Variants in GPR143 observed in about 807,000 individuals in gnomAD.
GPR143 encodes the protein G protein-coupled receptor 143, also known as G-protein coupled receptor 143.
In GPR143, 8 loss-of-function variants were observed where a neutral mutation model predicts 27.6. The observed-to-expected ratio is 0.29, with a 90% CI of 0.17 to 0.52. The LOEUF (loss-of-function observed/expected upper bound fraction) is 0.52. GPR143 is among the 20% of genes least tolerant of loss of function. The pLI, the probability that GPR143 is intolerant of heterozygous loss-of-function variation, is 0.96. For missense variants in GPR143, 303 were observed against 343.1 expected, an observed-to-expected ratio of 0.88 and a Z score of 0.92; for synonymous variants, 156 against 153.2, an observed-to-expected ratio of 1.02 and a Z score of -0.13.
At chrX:9,729,198 A>G (rs1293817359) in intron 8 of GPR143, among the ~76,000 whole-genome samples, 2 of 111,660 alleles carry the variant, frequency 1.8e-5, no homozygotes, top group Non-Finnish European at 3.8e-5. Flanking sequence ...CCGGAGCAAC[A>G]TTCTTGCTGG....
chrX:9,727,775 C>T (rs1000139266), intron 8 of GPR143, among the ~76,000 whole-genome samples: 12 of 112,191 alleles, frequency 1.1e-4, no homozygotes, highest in Non-Finnish European at 2.1e-4. Flanking sequence ...AGTGACTGCA[C>T]TCCAAAAAGC....
chrX:9,737,278 A>G (rs935956278), intron 8 of GPR143, among the ~76,000 whole-genome samples: 8 of 111,881 alleles, frequency 7.2e-5, no homozygotes, highest in African/African-American at 1.6e-4. Context: ...AGCCATGTTC[A>G]TTCCACTGCA....
intron 5 of GPR143, 134 bp from the exon 6 acceptor site, chrX:9,743,807 C>A: frequency 1.9e-6 from 1 of 518,291 alleles, no homozygotes; most frequent in Middle Eastern, 3.3e-4. Flanking sequence ...CACTGACATT[C>A]ATTCCTCACA....
At chrX:9,760,537 G>A (rs1200698064) in intron 2 of GPR143, among the ~76,000 whole-genome samples, 180 bp downstream of exon 2, 2 of 111,674 alleles carry the variant, frequency 1.8e-5, no homozygotes, top group African/African-American at 6.5e-5. Context: ...AACAACACTT[G>A]AGTGTCTGGG....
chrX:9,751,931 G>A (rs1418718401), intron 3 of GPR143, among the ~76,000 whole-genome samples: 2 of 112,866 alleles, frequency 1.8e-5, no homozygotes, highest in Non-Finnish European at 3.7e-5. Flanking sequence ...TTGAGAGGAT[G>A]ACATAGAAGA....
At chrX:9,734,218 A>G (rs1375946734) in intron 8 of GPR143, among the ~76,000 whole-genome samples, 4 of 111,359 alleles carry the variant, frequency 3.6e-5, no homozygotes, top group African/African-American at 1.3e-4. Flanking sequence ...GAATTATGAG[A>G]GAAAAAAGAA....
At chrX:9,737,744 T>C (rs929081446) in intron 8 of GPR143, among the ~76,000 whole-genome samples, 11 of 112,190 alleles carry the variant, frequency 9.8e-5, no homozygotes, top group Non-Finnish European at 7.5e-5. Context: ...GTGCAGTGGC[T>C]CAAGCCTATT....
intron 1 of GPR143, 101 bp downstream of exon 1, chrX:9,765,467 T>G: frequency 1.2e-6 from 1 of 809,827 alleles, no homozygotes; most frequent in Non-Finnish European, 1.6e-6. Flanking sequence ...CCACAGGCCG[T>G]GCGCCCTTAT....
intron 1 of GPR143, among the ~76,000 whole-genome samples, chrX:9,777,084 T>C (rs981136399): frequency 8.9e-6 from 1 of 112,227 alleles, no homozygotes; most frequent in African/African-American, 3.2e-5. Flanking sequence ...CATGGTGTTG[T>C]GTCAATAAAA....
chrX:9,763,350 T>C (rs1269417780), intron 1 of GPR143, among the ~76,000 whole-genome samples: 1 of 110,968 alleles, frequency 9.0e-6, no homozygotes, highest in East Asian at 2.8e-4. Context: ...TGGTGATGCA[T>C]GCCTGTAGTT....
upstream of GPR143, chrX:9,765,957 G>A (rs1458374030): frequency 1.7e-6 from 1 of 577,305 alleles, no homozygotes; most frequent in Admixed American, 6.0e-5. Context: ...AGTAGAGCCA[G>A]GCTCGGTGGG....
intron 2 of GPR143, among the ~76,000 whole-genome samples, chrX:9,760,262 T>C (rs1177816855): frequency 9.0e-6 from 1 of 111,008 alleles, no homozygotes; most frequent in East Asian, 2.8e-4. Flanking sequence ...GAGCTAATTT[T>C]TGTATTTTTA....
intron 8 of GPR143, among the ~76,000 whole-genome samples, chrX:9,734,796 C>A (rs2053036570): frequency 8.9e-6 from 1 of 111,853 alleles, no homozygotes; most frequent in Non-Finnish European, 1.9e-5. Context: ...CCCGGCCAGG[C>A]TCTATAAGCT....
intron 8 of GPR143, among the ~76,000 whole-genome samples, chrX:9,730,193 G>A (rs1036177309): frequency 2.7e-5 from 3 of 111,116 alleles, no homozygotes; most frequent in Admixed American, 9.6e-5. Context: ...TATCCTCATC[G>A]TTAAGTGTTG....
intron 2 of GPR143, among the ~76,000 whole-genome samples, chrX:9,760,281 G>T (rs770079916): frequency 1.8e-5 from 2 of 111,153 alleles, no homozygotes; most frequent in South Asian, 3.8e-4. Flanking sequence ...TAGTAGAGAC[G>T]GGGTTTCACC....
rs779146022 is a variant in GPR143, at chrX:9,745,146, T to C, written c.658+898A>G. On this transcript the variant is annotated intron_variant, in intron 5 of 8. Transcript: ENST00000467482. The stretch of plus-strand genomic sequence containing the variant: ...GGCGCTTGCCTGTAGTCCCAGCTAC[T>C]CAGGAGGCTGAGGCAGGAGAATCAC... 2.0e-4 allele frequency among the ~76,000 whole-genome samples: 22 copies of C among 111,773 alleles called. No individual in the cohort carries two copies. The South Asian group carries it at 7.5e-3, about 38-fold the overall frequency.
intron 1 of GPR143, among the ~76,000 whole-genome samples, chrX:9,763,096 T>G (rs928112741): frequency 9.1e-6 from 1 of 109,297 alleles, no homozygotes; most frequent in Non-Finnish European, 1.9e-5. Context: ...GGGCCTTTTT[T>G]TTGTTGTTTT....
chrX:9,753,529 C>T (rs1424855740), intron 3 of GPR143, among the ~76,000 whole-genome samples: 1 of 110,422 alleles, frequency 9.1e-6, no homozygotes, highest in African/African-American at 3.3e-5. Context: ...AGGAGCTGTG[C>T]TTGGGCTTGT....
chrX:9,751,787 A>G (rs1410346209), intron 3 of GPR143, among the ~76,000 whole-genome samples: 1 of 113,068 alleles, frequency 8.8e-6, no homozygotes, highest in African/African-American at 3.2e-5. Flanking sequence ...TTACGTCTCA[A>G]CTAAAAGAAT....
Sources: gnomAD v4.1 joint callset for allele counts (sites outside exome capture counted in the v4.1 genomes callset) on GRCh38, gnomAD v4.1.1 for gene constraint, MANE v1.5 for transcripts, NCBI Gene and HGNC (gene_info 2026-07-23, HGNC 2026-07-21) for gene names.